ZNRF3: variants seen among roughly 807,000 people sequenced by gnomAD.
The protein encoded by ZNRF3 is zinc and ring finger 3.
ZNRF3 carries 23 observed loss-of-function variants against 72.5 expected under a neutral mutation model. The observed-to-expected ratio is 0.32, with a 90% CI of 0.23 to 0.45. The LOEUF is 0.45. Among genes scored for constraint, ZNRF3 ranks in the 20% least tolerant of loss-of-function variants. The pLI, the probability that ZNRF3 is intolerant of heterozygous loss-of-function variation, is 1.00. For synonymous variants in ZNRF3, 610 were observed against 545.3 expected, an observed-to-expected ratio of 1.12 and a Z score of -1.65; for missense variants, 1,169 against 1,272.1, an observed-to-expected ratio of 0.92 and a Z score of 1.23.
chr22:28,981,193 G>A (rs1175827642), intron 1 of ZNRF3, among the ~76,000 whole-genome samples: 8 of 152,204 alleles, frequency 5.3e-5, no homozygotes, highest in Non-Finnish European at 1.2e-4. Flanking sequence ...AACACGCCTG[G>A]TTTTTACCTG....
intron 1 of ZNRF3, among the ~76,000 whole-genome samples, chr22:28,945,149 C>CAAA (rs781088280): frequency 1.2e-5 from 1 of 86,778 alleles, no homozygotes; most frequent in African/African-American, 3.9e-5. Context: ...GACCCTGTCT[C>CAAA]AAAAAAAAAA....
At chr22:28,959,789 A>C (rs2035323520) in intron 1 of ZNRF3, among the ~76,000 whole-genome samples, 2 of 152,206 alleles carry the variant, frequency 1.3e-5, no homozygotes, top group African/African-American at 2.4e-5. Context: ...CCTTATAAAA[A>C]GGGACACCAG....
In ZNRF3 at chr22:29,049,784, C is replaced by A. The variant is rs2037151868; in HGVS notation, c.1603C>A (p.His535Asn). The change falls in exon 8 of 9, where the codon CAC becomes AAC. Residue 535 changes from histidine (H) to asparagine (N), a missense_variant. Around this residue, in one of 2 missense-constraint regions of ZNRF3, gnomAD observed 783 missense variants for 731.4 expected, o/e 1.07. Transcript: ENST00000544604. The surrounding 1 kb of genome is among the most constrained non-coding windows in gnomAD (Gnocchi z 5.2). ...STSSFSCYHG[H>N]RSVCSGYLAD... The stretch of plus-strand genomic sequence containing the variant: ...GTCCAGCTTCAGCTGCTATCACGGC[C>A]ACCGCTCGGTGTGCAGTGGCTACCT... 1 of 1,602,130 alleles carries A rather than the reference C, an allele frequency of 6.2e-7. No homozygotes were observed. Among genetic ancestry groups the A allele is most frequent in the Non-Finnish European group, 8.5e-7 (1 of 1,173,056 alleles).
intron 1 of ZNRF3, among the ~76,000 whole-genome samples, chr22:28,936,048 C>T (rs2034813071): frequency 6.6e-6 from 1 of 152,174 alleles, no homozygotes; most frequent in African/African-American, 2.4e-5. Context: ...CTAAGCTCTC[C>T]ATGTTCTCCT....
chr22:28,964,581 G>C (rs1007747452), intron 1 of ZNRF3, among the ~76,000 whole-genome samples: 2 of 152,202 alleles, frequency 1.3e-5, no homozygotes, highest in Non-Finnish European at 2.9e-5. Flanking sequence ...GAGAGGACAG[G>C]AAGATCCTAA....
At chr22:28,977,813 G>T (rs1397240293) in intron 1 of ZNRF3, among the ~76,000 whole-genome samples, 1 of 152,198 alleles carries the variant, frequency 6.6e-6, no homozygotes, top group Non-Finnish European at 1.5e-5. Flanking sequence ...ACTAGCCCTA[G>T]TTTCAGTTTT....
chr22:29,003,802 A>T (rs891984521), intron 2 of ZNRF3, among the ~76,000 whole-genome samples: 2 of 151,638 alleles, frequency 1.3e-5, no homozygotes, highest in South Asian at 4.2e-4. Flanking sequence ...TGCTACTCCA[A>T]CCTGGGTGAC....
At chr22:28,981,534 T>C (rs117442112) in intron 1 of ZNRF3, among the ~76,000 whole-genome samples, 3 of 152,152 alleles carry the variant, frequency 2.0e-5, no homozygotes, top group Middle Eastern at 3.2e-3. Flanking sequence ...AAAGGTTTCA[T>C]TGGGGCTATA....
intron 1 of ZNRF3, among the ~76,000 whole-genome samples, chr22:28,893,298 T>A (rs1028294642): frequency 6.6e-6 from 1 of 152,234 alleles, no homozygotes; most frequent in Non-Finnish European, 1.5e-5. Flanking sequence ...TTGGCTTTGC[T>A]ATCTTGTCAG....
intron 2 of ZNRF3, among the ~76,000 whole-genome samples, chr22:29,033,756 G>C (rs2036810688): frequency 6.6e-6 from 1 of 152,206 alleles, no homozygotes. Context: ...CCCCATGGGT[G>C]GAGGAATGGG....
At chr22:28,890,473 C>T (rs568557867) in intron 1 of ZNRF3, among the ~76,000 whole-genome samples, 1 of 152,170 alleles carries the variant, frequency 6.6e-6, no homozygotes, top group Non-Finnish European at 1.5e-5. Context: ...GCACTCCAGC[C>T]TGAGCGACAG....
intron 1 of ZNRF3, among the ~76,000 whole-genome samples, chr22:28,934,548 T>C (rs2034785388): frequency 6.6e-6 from 1 of 152,210 alleles, no homozygotes; most frequent in Admixed American, 6.5e-5. Context: ...TTGGGCGCGG[T>C]GGCTCATTCC....
At chr22:28,913,697 A>C (rs1371092202) in intron 1 of ZNRF3, among the ~76,000 whole-genome samples, 2 of 152,220 alleles carry the variant, frequency 1.3e-5, no homozygotes, top group African/African-American at 2.4e-5. Flanking sequence ...CTTCTCTTTG[A>C]AGAATTTAAT....
chr22:29,015,015 C>T (rs974372944), intron 2 of ZNRF3, among the ~76,000 whole-genome samples: 1 of 152,250 alleles, frequency 6.6e-6, no homozygotes, highest in Non-Finnish European at 1.5e-5. Flanking sequence ...TCTGATGCTT[C>T]CTGTCATTCT....
chr22:29,054,943 T>C lies in ZNRF3; in HGVS notation c.*1321T>C. 6.5e-6 allele frequency: 1 copy of C among 153,004 alleles called. No individual in the cohort carries two copies. Among genetic ancestry groups the C allele is most frequent in the East Asian group, 1.9e-4 (1 of 5,188 alleles). 9.5% of individuals were successfully genotyped at this position (153,004 alleles called of 1,614,324 possible). On this transcript the variant is annotated 3_prime_UTR_variant, in exon 9 of 9. Transcript: ENST00000544604. ...GTCTGCAGATGTCTACTATCCTGTC[T>C]ACCTAATGCACTATTATGTATTGAT...
chr22:28,999,163 CAAAA>C (rs10601140), intron 2 of ZNRF3, among the ~76,000 whole-genome samples: 71 of 63,416 alleles, frequency 1.1e-3, no homozygotes, highest in African/African-American at 2.7e-3. Flanking sequence ...AATAAAAATA[CAAAA>C]AAAAAAAAAA....
At chr22:28,994,835 T>A (rs543575912) in intron 2 of ZNRF3, among the ~76,000 whole-genome samples, 1 of 152,304 alleles carries the variant, frequency 6.6e-6, no homozygotes, top group East Asian at 1.9e-4. Flanking sequence ...AAATAAGCAA[T>A]TTTTTCCTTA....
chr22:29,030,280 C>T lies in ZNRF3; in HGVS notation c.427-12215C>T, dbSNP rs553850532. Among the ~76,000 whole-genome samples, 56 of 152,304 alleles carry T rather than the reference C, an allele frequency of 3.7e-4. 1 individual carries two copies. The highest frequency in any genetic ancestry group is 1.3e-3 in the African/African-American group (56 of 41,568). Reference sequence around the variant, plus strand: ...ATTTCCGTTTGACACCCACTAGTTTCTGATTGTGAAAAGGGTACCAACCTG... The same window carrying T: ...ATTTCCGTTTGACACCCACTAGTTTTTGATTGTGAAAAGGGTACCAACCTG... On this transcript the variant is annotated intron_variant, in intron 2 of 8. Coordinates refer to ENST00000544604, the MANE Select transcript of ZNRF3 (RefSeq NM_001206998.2). The surrounding 1 kb of genome is among the most constrained non-coding windows in gnomAD (Gnocchi z 4.2).
intron 1 of ZNRF3, among the ~76,000 whole-genome samples, chr22:28,962,890 A>T (rs554040207): frequency 2.0e-5 from 3 of 152,212 alleles, no homozygotes; most frequent in African/African-American, 7.2e-5. Context: ...GTTCAAATGC[A>T]TTGAAGGAAG....
Sources: allele counts gnomAD v4.1 joint callset (sites outside exome capture counted in the v4.1 genomes callset), GRCh38; gene constraint gnomAD v4.1.1; regional missense constraint gnomAD v4.1.1; non-coding constraint Gnocchi (gnomAD v3.1); transcripts MANE v1.5; gene names NCBI Gene and HGNC (gene_info 2026-07-23, HGNC 2026-07-21).